Variants in COL4A5 observed in about 807,000 individuals in gnomAD.
The protein encoded by COL4A5 is collagen alpha-5(IV) chain.
COL4A5 carries 26 observed loss-of-function variants against 130.2 expected under a neutral mutation model. The ratio of observed to expected loss-of-function variants is 0.20; its 90% CI spans 0.15 to 0.28. The LOEUF is 0.28. Ranked by LOEUF, COL4A5 falls within the 10% of genes least tolerant of loss-of-function variation. The probability of loss-of-function intolerance (pLI) is 1.00; values close to 1 mark genes in which losing one functional copy is unlikely to be tolerated. For synonymous variants in COL4A5, 496 were observed against 439.6 expected (o/e 1.13, Z -1.60); for missense variants, 1,131 against 1,344.3 (o/e 0.84, Z 2.48).
intron 1 of COL4A5, among the ~76,000 whole-genome samples, chrX:108,532,389 T>C (rs142864870): frequency 1.2e-3 from 135 of 111,472 alleles, no homozygotes; most frequent in Non-Finnish European, 9.6e-4. Flanking sequence ...CCCTTCGTGA[T>C]TGAAACTCTC....
intron 40 of COL4A5, among the ~76,000 whole-genome samples, chrX:108,667,510 C>T (rs780675150): frequency 1.5e-4 from 17 of 109,700 alleles, no homozygotes; most frequent in East Asian, 8.6e-4. Flanking sequence ...TAGAAATATA[C>T]GCCAATAATA....
In COL4A5 at chrX:108,696,380, A is replaced by G; in HGVS notation, c.*2A>G. ...CAAGTGTGCATGAAGAGGACATAAC[A>G]TTTTGAAGAATTCCTTTTGTGTTTT... On this transcript the variant is annotated 3_prime_UTR_variant, in exon 53 of 53. Coordinates refer to ENST00000328300, the MANE Select transcript of COL4A5 (RefSeq NM_033380.3). 1 of 1,184,414 alleles carries G rather than the reference A, an allele frequency of 8.4e-7. No homozygotes were observed. Among genetic ancestry groups the G allele is most frequent in the Non-Finnish European group, 1.1e-6 (1 of 871,154 alleles).
rs759349551 is a variant in COL4A5, at chrX:108,603,070, C to T, written c.2244+9C>T. The T allele has an allele frequency of 5.3e-5, 58 of 1,086,628 alleles. No individual in the cohort carries two copies. The African/African-American group carries it at 8.8e-4, about 17-fold the overall frequency. 89.6% of individuals were successfully genotyped at this position (1,086,628 alleles called of 1,213,427 possible). A position where few individuals can be genotyped will look rare whatever the true frequency, so the allele number is the denominator to read the frequency against. ...GCTTTCCAGGACCAAAGGTCTGGGA[C>T]ATTTTTCTTTATTCCTTCTCATTTT... On this transcript the variant is annotated intron_variant, in intron 28 of 52. Coordinates refer to ENST00000328300, the MANE Select transcript of COL4A5 (RefSeq NM_033380.3).
At chrX:108,599,401 G>A (rs189422170) in intron 25 of COL4A5, among the ~76,000 whole-genome samples, 14 of 111,480 alleles carry the variant, frequency 1.3e-4, no homozygotes, top group African/African-American at 4.6e-4. Flanking sequence ...AACTTTTCGT[G>A]TGGCTATAGT....
intron 1 of COL4A5, among the ~76,000 whole-genome samples, chrX:108,514,634 T>A (rs886897236): frequency 5.3e-5 from 6 of 112,382 alleles, no homozygotes; most frequent in Admixed American, 1.9e-4. Flanking sequence ...TAGGTCGTCA[T>A]GTGTCTGGTA....
In COL4A5 at chrX:108,479,554, TC is replaced by T. The variant is rs761650938; in HGVS notation, c.81+39350del. Among the ~76,000 whole-genome samples, 114 of 111,823 alleles carry T rather than the reference TC, an allele frequency of 1.0e-3. 4 individuals are homozygous for T. In the East Asian group the frequency reaches 0.031, roughly 31 times the overall value. On this transcript the variant is annotated intron_variant, in intron 1 of 52. Coordinates refer to ENST00000328300, the MANE Select transcript of COL4A5 (RefSeq NM_033380.3). ...TGTGAGCCAGGCCCTGGTCTTCTCT[TC>T]CTCTGTCAACTGATCATAGGAAACT...
intron 2 of COL4A5, among the ~76,000 whole-genome samples, chrX:108,545,786 G>A (rs897195531): frequency 9.0e-5 from 10 of 111,136 alleles, no homozygotes; most frequent in African/African-American, 3.0e-4. Context: ...ATGAATCTGG[G>A]TGCTCCTGTA....
chrX:108,595,945 C>T (rs1206911863), intron 22 of COL4A5, among the ~76,000 whole-genome samples: 1 of 111,651 alleles, frequency 9.0e-6, no homozygotes, highest in Admixed American at 9.5e-5. Context: ...GTGTAGTTTC[C>T]AGTGGCAGAG....
intron 3 of COL4A5, among the ~76,000 whole-genome samples, chrX:108,560,772 G>A (rs73526262): frequency 0.093 from 10,361 of 111,827 alleles, 1,093 homozygotes; most frequent in African/African-American, 0.31. Context: ...CCCAAGAAGA[G>A]TGCACACAGT....
rs894403555 is a variant in COL4A5 at position 108,696,742 on chromosome X, T to C, written c.*364T>C. On this transcript the variant is annotated 3_prime_UTR_variant, in exon 53 of 53. Transcript: ENST00000328300. ...CATTGAGTAAAATAAAAGACTGCAG[T>C]TTGTGGGAAGAATTATTTTTCACGG... The C allele has an allele frequency of 1.6e-5, 2 of 128,208 alleles. No individual in the cohort carries two copies. The highest frequency in any genetic ancestry group is 3.1e-5 in the Non-Finnish European group (2 of 63,846). The allele number at this position is 128,208 out of a possible 1,213,427, so 10.6% of individuals were successfully genotyped here. A position where few individuals can be genotyped will look rare whatever the true frequency, so the allele number is the denominator to read the frequency against.
chrX:108,525,857 A>G (rs752740956), intron 1 of COL4A5, among the ~76,000 whole-genome samples: 1 of 111,499 alleles, frequency 9.0e-6, no homozygotes, highest in South Asian at 3.8e-4. Context: ...GGCACTAAGC[A>G]GGAAGAATAG....
At chrX:108,624,125 C>G in intron 33 of COL4A5, 111 bp from the exon 34 acceptor site, 1 of 587,273 alleles carries the variant, frequency 1.7e-6, no homozygotes, top group South Asian at 2.4e-5. Context: ...AGAATATCAC[C>G]AGTTCCTCTA....
chrX:108,470,233 G>T (rs1459907927), intron 1 of COL4A5, among the ~76,000 whole-genome samples: 1 of 112,358 alleles, frequency 8.9e-6, no homozygotes, highest in African/African-American at 3.2e-5. Flanking sequence ...TTTCACAGTG[G>T]CTGAACTAAC....
chrX:108,646,029 C>T (rs191520836), intron 36 of COL4A5, among the ~76,000 whole-genome samples: 9,653 of 108,391 alleles, frequency 0.089, 1,206 homozygotes, highest in African/African-American at 0.3. Context: ...TGAATAGTGC[C>T]ACAATAAATA....
intron 30 of COL4A5, among the ~76,000 whole-genome samples, chrX:108,617,767 G>C (rs1458435821): frequency 9.0e-6 from 1 of 111,491 alleles, no homozygotes; most frequent in Non-Finnish European, 1.9e-5. Flanking sequence ...ATCATAACCA[G>C]AACCAAACGT....
chrX:108,503,202 G>T (rs974602845), intron 1 of COL4A5, among the ~76,000 whole-genome samples: 2 of 111,721 alleles, frequency 1.8e-5, no homozygotes, highest in African/African-American at 6.5e-5. Context: ...AAGATAATGG[G>T]TACTCGTCTT....
intron 29 of COL4A5, among the ~76,000 whole-genome samples, chrX:108,610,572 A>T (rs896544898): frequency 2.7e-5 from 3 of 112,094 alleles, no homozygotes; most frequent in Non-Finnish European, 1.9e-5. Flanking sequence ...GATATTTGAA[A>T]TATGTGGCAA....
intron 2 of COL4A5, among the ~76,000 whole-genome samples, chrX:108,545,494 C>A (rs2065632223): frequency 2.7e-5 from 3 of 111,272 alleles, no homozygotes; most frequent in African/African-American, 9.8e-5. Flanking sequence ...AATTTCTGTT[C>A]TTTTACATTT....
At chrX:108,690,611 T>C (rs968385269) in intron 49 of COL4A5, among the ~76,000 whole-genome samples, 40 of 111,741 alleles carry the variant, frequency 3.6e-4, no homozygotes, top group African/African-American at 1.2e-3. Context: ...AATCTGACTT[T>C]AGCAGATGTG....
Sources: allele counts gnomAD v4.1 joint callset (sites outside exome capture counted in the v4.1 genomes callset), GRCh38; gene constraint gnomAD v4.1.1; transcripts MANE v1.5; gene names NCBI Gene and HGNC (gene_info 2026-07-23, HGNC 2026-07-21).